TRAPPC3L: variants seen among roughly 807,000 people sequenced by gnomAD.
TRAPPC3L encodes the protein trafficking protein particle complex subunit 3L, also known as trafficking protein particle complex subunit 3-like protein.
TRAPPC3L carries 23 observed loss-of-function variants against 23.7 expected under a neutral mutation model. The ratio of observed to expected loss-of-function variants is 0.97; its 90% CI spans 0.70 to 1.37. The LOEUF (loss-of-function observed/expected upper bound fraction) is 1.37, where lower values mean the gene tolerates loss of function less well. TRAPPC3L is among the 40% of genes most tolerant of loss of function. The pLI is 0.00. For synonymous variants in TRAPPC3L, 81 were observed against 77.9 expected, an observed-to-expected ratio of 1.04 and a Z score of -0.21; for missense variants, 212 against 216.8, an observed-to-expected ratio of 0.98 and a Z score of 0.14.
At chr6:116,512,883 TG>T (rs1453457016) in intron 3 of TRAPPC3L, among the ~76,000 whole-genome samples, 4 of 152,222 alleles carry the variant, frequency 2.6e-5, no homozygotes, top group Admixed American at 6.5e-5. Context: ...CTCTTTGTGC[TG>T]TACAGCTAAA....
chr6:116,503,951 C>CTAACTAACACTCTA lies in TRAPPC3L; in HGVS notation c.241-3286_241-3285insTAGAGTGTTAGTTA, dbSNP rs1771962157. Among the ~76,000 whole-genome samples, 7 of 152,210 alleles carry CTAACTAACACTCTA rather than the reference C, an allele frequency of 4.6e-5. No individual in the cohort carries two copies. In the South Asian group the frequency reaches 1.5e-3, roughly 32 times the overall value. ...ATCTAAAATTAACACCCTAACATCA[C>CTAACTAACACTCTA]AATTCAAAGAACTAGAGAAGCAAGA... On this transcript the variant is annotated intron_variant, in intron 3 of 4. Coordinates refer to ENST00000368602, the MANE Select transcript of TRAPPC3L (RefSeq NM_001139444.3).
chr6:116,517,668 A>G (rs918576479), intron 3 of TRAPPC3L: 2 of 152,194 alleles, frequency 1.3e-5, no homozygotes, highest in African/African-American at 4.8e-5. Flanking sequence ...CAGAGCTCCT[A>G]AAACCTTTGG....
intron 3 of TRAPPC3L, chr6:116,512,117 A>AT (rs1772133909): frequency 6.8e-6 from 11 of 1,614,018 alleles, no homozygotes; most frequent in Non-Finnish European, 9.3e-6. Context: ...CCTGGAACTG[A>AT]TTTGCAAGGG....
chr6:116,500,406 G>T, intron 4 of TRAPPC3L, 75 bp downstream of exon 4: 1 of 1,300,040 alleles, frequency 7.7e-7, no homozygotes, highest in South Asian at 1.4e-5. Flanking sequence ...AATGAATTAT[G>T]TATATTGGTT....
intron 3 of TRAPPC3L, among the ~76,000 whole-genome samples, chr6:116,509,473 G>A (rs922812833): frequency 1.3e-5 from 2 of 152,296 alleles, no homozygotes; most frequent in South Asian, 2.1e-4. Context: ...TATCAAAACA[G>A]CATAGCACTG....
At chr6:116,511,590 GAGA>G (rs1057355354) in intron 3 of TRAPPC3L, 1 of 996,978 alleles carries the variant, frequency 1.0e-6, no homozygotes. Context: ...AATTCAGTCT[GAGA>G]AGGACTGTTG....
intron 3 of TRAPPC3L, among the ~76,000 whole-genome samples, chr6:116,528,445 A>G (rs1020125055): frequency 3.3e-5 from 5 of 152,230 alleles, no homozygotes; most frequent in Non-Finnish European, 7.3e-5. Flanking sequence ...TTGCCTATTC[A>G]GTGGGGAGAA....
rs551224812 is a variant in TRAPPC3L at position 116,498,344 on chromosome 6, G to A, written c.427-1271C>T. On this transcript the variant is annotated intron_variant, in intron 4 of 4. Coordinates refer to ENST00000368602, the MANE Select transcript of TRAPPC3L (RefSeq NM_001139444.3). ...CTCATGGCCACCGACTACAGGACAA[G>A]TCTAAAAAGATGCTAGGGTAGACGC... Among the ~76,000 whole-genome samples the A allele has an allele frequency of 2.6e-5, 4 of 152,288 alleles. No homozygotes were observed. The East Asian group carries it at 5.8e-4, about 22-fold the overall frequency.
chr6:116,543,498 A>C, intron 1 of TRAPPC3L, 98 bp from the exon 2 acceptor site: 2 of 989,198 alleles, frequency 2.0e-6, no homozygotes, highest in Non-Finnish European at 3.0e-6. Context: ...TAGCCTTAGA[A>C]GTCACCTGTA....
chr6:116,536,788 C>T (rs1339776423), intron 3 of TRAPPC3L, among the ~76,000 whole-genome samples: 1 of 152,160 alleles, frequency 6.6e-6, no homozygotes, highest in Non-Finnish European at 1.5e-5. Flanking sequence ...CTTGACTCTG[C>T]CATGCTCTGG....
At chr6:116,520,384 A>T (rs906159965) in intron 3 of TRAPPC3L, 1 of 152,118 alleles carries the variant, frequency 6.6e-6, no homozygotes, top group Non-Finnish European at 1.5e-5. Context: ...TCTTATTTTA[A>T]ATATCCCCTG....
intron 3 of TRAPPC3L, chr6:116,524,782 T>C (rs1464599809): frequency 6.6e-6 from 1 of 152,138 alleles, no homozygotes; most frequent in Non-Finnish European, 1.5e-5. Context: ...AGTTGGAAAA[T>C]TTTCAACTTA....
intron 3 of TRAPPC3L, chr6:116,529,299 A>G (rs1271475140): frequency 1.3e-5 from 2 of 152,266 alleles, no homozygotes; most frequent in Non-Finnish European, 2.9e-5. Context: ...GGCATGTACA[A>G]TAACAGCTAA....
At chr6:116,535,688 C>A (rs1773031268) in intron 3 of TRAPPC3L, among the ~76,000 whole-genome samples, 1 of 152,146 alleles carries the variant, frequency 6.6e-6, no homozygotes, top group Non-Finnish European at 1.5e-5. Context: ...TTCATTATTA[C>A]AACTAAAATC....
chr6:116,542,485 C>T (rs529451519), intron 2 of TRAPPC3L, among the ~76,000 whole-genome samples: 1 of 152,086 alleles, frequency 6.6e-6, no homozygotes, highest in African/African-American at 2.4e-5. Context: ...TAAATTTCCC[C>T]TTCAATCTGC....
rs1395945046 is a variant in TRAPPC3L, at chr6:116,543,328, C to T, written c.115G>A (p.Asp39Asn). Residue 39 changes from aspartate to asparagine, a missense_variant, in exon 2 of 5, where the codon GAT (aspartate) becomes AAT (asparagine). Physicochemically the swap from Asp to Asn is conservative, Grantham distance 23. Transcript: ENST00000368602. ...ATTTTATCTAAATATTGGTTCACAT[C>T]TTCATCCTTCTCATAATCCTTACAC... ...QLCKDYEKDE[D>N]VNQYLDKMGY... 1 of 1,549,392 alleles carries T rather than the reference C, an allele frequency of 6.5e-7. No homozygotes were observed. The highest frequency in any genetic ancestry group is 2.4e-5 in the East Asian group (1 of 40,830).
chr6:116,523,444 T>C (rs561425679), intron 3 of TRAPPC3L: 1 of 152,376 alleles, frequency 6.6e-6, no homozygotes, highest in African/African-American at 2.4e-5. Flanking sequence ...TATTGTCTTA[T>C]GCTTATTAAT....
chr6:116,516,658 CAAATATATATATATATATATATATAT>C (rs1370848021), intron 3 of TRAPPC3L: 29 of 96,798 alleles, frequency 3.0e-4, no homozygotes, highest in African/African-American at 1.4e-3. Context: ...ATAGTAGTAA[CAAATATATATATATATATATATATAT>C]ATATATATAT....
In TRAPPC3L at chr6:116,496,268, C is replaced by T. The variant is rs1771832229; in HGVS notation, c.*686G>A. ...ATTTATCCTTTATTTTAGAAGTTTC[C>T]TGGCCTGACCATCAAGCAATATTTC... On this transcript the variant is annotated 3_prime_UTR_variant, in exon 5 of 5. Coordinates refer to ENST00000368602, the MANE Select transcript of TRAPPC3L (RefSeq NM_001139444.3). The T allele has an allele frequency of 6.6e-6, 1 of 152,010 alleles. No homozygotes were observed. Among genetic ancestry groups the T allele is most frequent in the Non-Finnish European group, 1.5e-5 (1 of 67,998 alleles). 9.4% of individuals were successfully genotyped at this position (152,010 alleles called of 1,614,324 possible).
Sources: gnomAD v4.1 joint callset for allele counts (sites outside exome capture counted in the v4.1 genomes callset) on GRCh38, gnomAD v4.1.1 for gene constraint, MANE v1.5 for transcripts, NCBI Gene and HGNC (gene_info 2026-07-23, HGNC 2026-07-21) for gene names.